DYNC2H1: variants seen among roughly 807,000 people sequenced by gnomAD.
DYNC2H1 encodes the protein cytoplasmic dynein 2 heavy chain 1.
Under a neutral mutation model 570.0 loss-of-function variants are expected in DYNC2H1, and 410 were observed. The ratio of observed to expected loss-of-function variants is 0.72; its 90% CI spans 0.66 to 0.78. The LOEUF (loss-of-function observed/expected upper bound fraction) is 0.78, where lower values mean the gene tolerates loss of function less well. DYNC2H1 is among the 30% of genes least tolerant of loss of function. The pLI, the probability that DYNC2H1 is intolerant of heterozygous loss-of-function variation, is 0.00. For synonymous variants in DYNC2H1, 1,688 were observed against 1,677.6 expected, an observed-to-expected ratio of 1.01 and a Z score of -0.15; for missense variants, 4,865 against 5,046.4, an observed-to-expected ratio of 0.96 and a Z score of 1.09.
Position 103,468,648 on chromosome 11 carries a change from G to T in DYNC2H1, c.12708G>T (p.Gln4236His), listed in dbSNP as rs1945272595. The T allele has an allele frequency of 1.2e-6, 2 of 1,613,784 alleles. No individual in the cohort carries two copies. The highest frequency in any genetic ancestry group is 1.7e-6 in the Non-Finnish European group (2 of 1,179,750). Reference protein sequence around the residue: ...SFDGNQLSENQLDSPSVSSVL... With the variant: ...SFDGNQLSENHLDSPSVSSVL... Reference sequence around the variant, plus strand: ...ATGGAAATCAACTTTCTGAAAATCAGCTTGATTCTCCCAGCGTGTCATCAG... The same window carrying T: ...ATGGAAATCAACTTTCTGAAAATCATCTTGATTCTCCCAGCGTGTCATCAG... Residue 4236 changes from glutamine (Q) to histidine (H), a missense_variant, in exon 88 of 89, where the codon CAG (glutamine) becomes CAT (histidine). By Grantham distance (24) the Gln-to-His change is conservative. Coordinates refer to ENST00000375735, the MANE Select transcript of DYNC2H1 (RefSeq NM_001377.3).
chr11:103,308,204 C>T (rs1248493043), intron 78 of DYNC2H1, among the ~76,000 whole-genome samples: 3 of 152,152 alleles, frequency 2.0e-5, no homozygotes, highest in African/African-American at 7.2e-5. Context: ...TATCCTCTGG[C>T]AACCACCATT....
intron 1 of DYNC2H1, among the ~76,000 whole-genome samples, chr11:103,110,859 CG>C (rs1858079571): frequency 1.3e-5 from 2 of 150,736 alleles, no homozygotes; most frequent in East Asian, 3.9e-4. Flanking sequence ...CAGTTTCGCT[CG>C]TATTACCCAG....
chr11:103,389,016 T>C (rs746839116), intron 83 of DYNC2H1, among the ~76,000 whole-genome samples: 7 of 152,210 alleles, frequency 4.6e-5, no homozygotes, highest in Non-Finnish European at 8.8e-5. Flanking sequence ...GCTGGCCTCT[T>C]AAAATGAGTT....
At chr11:103,424,875 A>G (rs1047721092) in intron 84 of DYNC2H1, among the ~76,000 whole-genome samples, 4 of 152,114 alleles carry the variant, frequency 2.6e-5, no homozygotes, top group Non-Finnish European at 5.9e-5. Flanking sequence ...TCTTCTATCC[A>G]TGTCTTCTAT....
chr11:103,239,736 G>A lies in DYNC2H1; in HGVS notation c.9819+3197G>A, dbSNP rs1461538170. 6.6e-6 allele frequency among the ~76,000 whole-genome samples: 1 copy of A among 151,618 alleles called. No homozygotes were observed. Among genetic ancestry groups the A allele is most frequent in the Non-Finnish European group, 1.5e-5 (1 of 67,938 alleles). On this transcript the variant is annotated intron_variant, in intron 63 of 88. Transcript: ENST00000375735. The surrounding 1 kb of genome is among the most constrained non-coding windows in gnomAD (Gnocchi z 4.3). ...ACTCTCCTTAGTGAATCAAGAGTTA[G>A]GCTTTAGTTTTATTTATAAAATGTT...
intron 61 of DYNC2H1, among the ~76,000 whole-genome samples, chr11:103,235,170 T>C (rs1864173551): frequency 6.6e-6 from 1 of 151,948 alleles, no homozygotes; most frequent in African/African-American, 2.4e-5. Context: ...CAGTTTAAAA[T>C]AGAAATTCCT....
chr11:103,153,805 A>G (rs1860682293), intron 22 of DYNC2H1, among the ~76,000 whole-genome samples: 2 of 152,094 alleles, frequency 1.3e-5, no homozygotes, highest in African/African-American at 2.4e-5. Flanking sequence ...AATGAAATAT[A>G]TATAATTTTC....
chr11:103,471,102 G>A (rs889601590), intron 88 of DYNC2H1, among the ~76,000 whole-genome samples: 27 of 152,072 alleles, frequency 1.8e-4, no homozygotes, highest in South Asian at 6.2e-4. Flanking sequence ...TTTAATGATC[G>A]CCATTCTAAC....
intron 85 of DYNC2H1, among the ~76,000 whole-genome samples, chr11:103,438,552 T>G (rs1944141689): frequency 6.6e-6 from 1 of 152,106 alleles, no homozygotes; most frequent in Admixed American, 6.6e-5. Flanking sequence ...CCAGCTATAG[T>G]TTAAGATTTT....
At position 103,153,525 on chromosome 11, in the gene DYNC2H1, A is replaced by C. The variant is rs1860670334; in HGVS notation, c.3302+17A>C. 1.3e-6 allele frequency: 2 copies of C among 1,537,640 alleles called. No homozygotes were observed. Among genetic ancestry groups the C allele is most frequent in the African/African-American group, 2.8e-5 (2 of 72,108 alleles). On this transcript the variant is annotated intron_variant, in intron 22 of 88. Coordinates refer to ENST00000375735, the MANE Select transcript of DYNC2H1 (RefSeq NM_001377.3). The stretch of plus-strand genomic sequence containing the variant: ...AAAGCTGGTGTATGTTTTTTCTTTA[A>C]AATTGATAGTGCTTATTTTGAAAAA...
chr11:103,272,445 G>C (rs560307394), intron 70 of DYNC2H1, among the ~76,000 whole-genome samples: 14 of 152,080 alleles, frequency 9.2e-5, no homozygotes, highest in Non-Finnish European at 1.6e-4. Context: ...ATGGGGGAGG[G>C]ATAGCATCAG....
At chr11:103,266,625 T>G (rs112768581) in intron 70 of DYNC2H1, among the ~76,000 whole-genome samples, 1 of 152,288 alleles carries the variant, frequency 6.6e-6, no homozygotes, top group Admixed American at 6.5e-5. Context: ...AAAAGCTGGC[T>G]ATGCATACAT....
intron 26 of DYNC2H1, among the ~76,000 whole-genome samples, chr11:103,158,450 A>G (rs1305671700): frequency 6.6e-6 from 1 of 152,226 alleles, no homozygotes; most frequent in Admixed American, 6.5e-5. Context: ...CTCCATCTCA[A>G]AAAATAAAAA....
chr11:103,304,785 C>A, intron 77 of DYNC2H1, 65 bp downstream of exon 77: 3 of 1,438,676 alleles, frequency 2.1e-6, no homozygotes, highest in South Asian at 3.3e-5. Flanking sequence ...CAAGGGACAT[C>A]AGTATTAAAA....
intron 87 of DYNC2H1, among the ~76,000 whole-genome samples, chr11:103,457,727 G>A (rs1944846697): frequency 6.6e-6 from 1 of 151,944 alleles, no homozygotes; most frequent in African/African-American, 2.4e-5. Context: ...CTTCTGCCTT[G>A]GCCTCCCAGA....
chr11:103,354,193 A>AT (rs1940207552), intron 82 of DYNC2H1, among the ~76,000 whole-genome samples: 2 of 149,118 alleles, frequency 1.3e-5, no homozygotes, highest in East Asian at 2.0e-4. Context: ...AAAAAAAAAA[A>AT]AAAAAAAAAT....
At chr11:103,136,393 A>G (rs1023492891) in intron 17 of DYNC2H1, among the ~76,000 whole-genome samples, 1 of 137,018 alleles carries the variant, frequency 7.3e-6, no homozygotes, top group African/African-American at 2.7e-5. Flanking sequence ...ACCCGACAAC[A>G]GTCCCCAGAG....
chr11:103,110,408 T>G (rs1191111620), intron 1 of DYNC2H1, among the ~76,000 whole-genome samples: 1 of 151,610 alleles, frequency 6.6e-6, no homozygotes, highest in African/African-American at 2.4e-5. Context: ...CTTTTTGAGT[T>G]TTTTTTTTGG....
chr11:103,206,583 C>A (rs1477142931), intron 52 of DYNC2H1, among the ~76,000 whole-genome samples: 2 of 151,972 alleles, frequency 1.3e-5, no homozygotes, highest in African/African-American at 4.8e-5. Flanking sequence ...AGAGGAAGAA[C>A]CAAAGGACAC....
Sources: gnomAD v4.1 joint callset for allele counts (sites outside exome capture counted in the v4.1 genomes callset) on GRCh38, gnomAD v4.1.1 for gene constraint, Gnocchi (gnomAD v3.1) non-coding constraint, MANE v1.5 for transcripts, NCBI Gene and HGNC (gene_info 2026-07-23, HGNC 2026-07-21) for gene names.